THRB: variants seen among roughly 807,000 people sequenced by gnomAD.
The protein encoded by THRB is thyroid hormone receptor beta.
Under a neutral mutation model 47.8 loss-of-function variants are expected in THRB, and 12 were observed. The ratio of observed to expected loss-of-function variants is 0.25; its 90% CI spans 0.16 to 0.41. The LOEUF is 0.41. Ranked by LOEUF, THRB falls within the 10% of genes least tolerant of loss-of-function variation. THRB has a pLI of 1.00. For missense variants in THRB, 348 were observed against 589.2 expected (o/e 0.59, Z 4.24); for synonymous variants, 218 against 212.2 (o/e 1.03, Z -0.24).
rs555323167 is a variant in THRB, at chr3:24,178,756, C to CTA, written c.283+11316_283+11317dup. Among the ~76,000 whole-genome samples the CTA allele has an allele frequency of 1.5e-3, 225 of 152,182 alleles. 2 individuals are homozygous for CTA. Among genetic ancestry groups the CTA allele is most frequent in the Middle Eastern group, 0.01 (3 of 294 alleles). On this transcript the variant is annotated intron_variant, in intron 5 of 10. Transcript: ENST00000646209. ...GCAGACTAGAGTAGAATGGTGATAA[C>CTA]TAAGGTCTGCAGCGGGGAGGGTAGG... is the stretch of plus-strand genomic sequence containing the variant.
chr3:24,235,410 T>TCC (rs2048757342), intron 3 of THRB, among the ~76,000 whole-genome samples: 1 of 152,132 alleles, frequency 6.6e-6, no homozygotes, highest in South Asian at 2.1e-4. Flanking sequence ...AAAACATGCT[T>TCC]CCCCTCACAG....
In THRB at chr3:24,282,716, C is replaced by G. The variant is rs200715805; in HGVS notation, c.-43+14510G>C. Reference sequence around the variant, plus strand: ...GACTAATAAAGAAAAAAAGAGAGAACAATCAAATAGACGCAATAAAAAATG... The same window carrying G: ...GACTAATAAAGAAAAAAAGAGAGAAGAATCAAATAGACGCAATAAAAAATG... On this transcript the variant is annotated intron_variant, in intron 3 of 10. Coordinates refer to ENST00000646209, the MANE Select transcript of THRB (RefSeq NM_001354712.2). 4.7e-5 allele frequency among the ~76,000 whole-genome samples: 7 copies of G among 149,144 alleles called. 1 individual carries two copies. The highest frequency in any genetic ancestry group is 2.0e-4 in the East Asian group (1 of 5,112).
At chr3:24,219,226 G>C (rs2046921870) in intron 4 of THRB, among the ~76,000 whole-genome samples, 1 of 152,152 alleles carries the variant, frequency 6.6e-6, no homozygotes. Flanking sequence ...GGAGGAGGAG[G>C]TCACTGTCTC....
At chr3:24,268,539 C>T (rs918980845) in intron 3 of THRB, among the ~76,000 whole-genome samples, 8 of 152,242 alleles carry the variant, frequency 5.3e-5, no homozygotes, top group African/African-American at 1.9e-4. Flanking sequence ...AACTGAAATT[C>T]AGCAATTTCT....
At chr3:24,240,864 ATGT>A (rs2049413829) in intron 3 of THRB, among the ~76,000 whole-genome samples, 1 of 150,638 alleles carries the variant, frequency 6.6e-6, no homozygotes, top group Admixed American at 6.6e-5. Flanking sequence ...ATTTAAGAAC[ATGT>A]TGGAGGAACT....
chr3:24,468,265 G>A (rs1217724621), intron 1 of THRB, among the ~76,000 whole-genome samples: 1 of 152,142 alleles, frequency 6.6e-6, no homozygotes, highest in East Asian at 1.9e-4. Context: ...CTTCTACCCA[G>A]AACATTAAAA....
intron 5 of THRB, among the ~76,000 whole-genome samples, chr3:24,182,589 T>C (rs1004370537): frequency 6.6e-6 from 1 of 152,248 alleles, no homozygotes; most frequent in African/African-American, 2.4e-5. Flanking sequence ...GTGGTTCTCA[T>C]AGTCTTTCTG....
intron 5 of THRB, among the ~76,000 whole-genome samples, 178 bp from the exon 6 acceptor site, chr3:24,152,668 A>T (rs1276855795): frequency 6.6e-6 from 1 of 152,172 alleles, no homozygotes; most frequent in African/African-American, 2.4e-5. Context: ...ACATAGGCCC[A>T]GGATTTCAGA....
intron 1 of THRB, among the ~76,000 whole-genome samples, chr3:24,345,130 G>A (rs571770682): frequency 3.9e-4 from 59 of 152,236 alleles, no homozygotes; most frequent in African/African-American, 1.4e-3. Context: ...CTCTTCCGCT[G>A]GGTAATTTAT....
chr3:24,138,754 G>C (rs2035037501), intron 8 of THRB, among the ~76,000 whole-genome samples: 1 of 152,144 alleles, frequency 6.6e-6, no homozygotes, highest in Admixed American at 6.5e-5. Flanking sequence ...CACCCTGTCT[G>C]ACCCTTCTGC....
intron 3 of THRB, among the ~76,000 whole-genome samples, chr3:24,230,294 T>A (rs1165549421): frequency 6.6e-6 from 1 of 152,222 alleles, no homozygotes; most frequent in Non-Finnish European, 1.5e-5. Flanking sequence ...AATCTCTTTA[T>A]GGCAGAGACT....
chr3:24,276,216 G>C (rs569787842), intron 3 of THRB, among the ~76,000 whole-genome samples: 1 of 152,252 alleles, frequency 6.6e-6, no homozygotes, highest in South Asian at 2.1e-4. Flanking sequence ...TTGCCAGTTA[G>C]TGTATAATAA....
chr3:24,372,914 A>G (rs888691603), intron 1 of THRB, among the ~76,000 whole-genome samples: 5 of 152,114 alleles, frequency 3.3e-5, no homozygotes, highest in Admixed American at 1.3e-4. Context: ...AAAAGAGAGA[A>G]TGTTGTGGGC....
intron 3 of THRB, among the ~76,000 whole-genome samples, chr3:24,296,524 A>C (rs1396018698): frequency 6.6e-6 from 1 of 152,236 alleles, no homozygotes; most frequent in Non-Finnish European, 1.5e-5. Context: ...AATATGAGTA[A>C]GTTTCCCTCC....
chr3:24,467,773 T>C (rs1459940746), intron 1 of THRB, among the ~76,000 whole-genome samples: 1 of 152,134 alleles, frequency 6.6e-6, no homozygotes, highest in Non-Finnish European at 1.5e-5. Flanking sequence ...CTAGGCAGAG[T>C]AGATTTAGCA....
intron 3 of THRB, among the ~76,000 whole-genome samples, chr3:24,260,313 T>A (rs1366924358): frequency 6.6e-6 from 1 of 152,182 alleles, no homozygotes; most frequent in African/African-American, 2.4e-5. Context: ...TCCAGCACTC[T>A]GGACTCATGA....
At chr3:24,183,840 A>G (rs2042232494) in intron 5 of THRB, among the ~76,000 whole-genome samples, 1 of 152,220 alleles carries the variant, frequency 6.6e-6, no homozygotes, top group Non-Finnish European at 1.5e-5. Flanking sequence ...AGAGCAAGAA[A>G]TAAACTGAAG....
chr3:24,473,322 A>G (rs1481547883), intron 1 of THRB, among the ~76,000 whole-genome samples: 2 of 152,192 alleles, frequency 1.3e-5, no homozygotes, highest in Admixed American at 1.3e-4. Context: ...TAAAAAGTTC[A>G]TTGTATTTCT....
At chr3:24,374,281 T>C (rs1249006579) in intron 1 of THRB, among the ~76,000 whole-genome samples, 1 of 152,116 alleles carries the variant, frequency 6.6e-6, no homozygotes, top group Non-Finnish European at 1.5e-5. Context: ...GACAACATTA[T>C]AAGCATATAA....
Sources: gnomAD v4.1 joint callset for allele counts (sites outside exome capture counted in the v4.1 genomes callset) on GRCh38, gnomAD v4.1.1 for gene constraint, MANE v1.5 for transcripts, NCBI Gene and HGNC (gene_info 2026-07-23, HGNC 2026-07-21) for gene names.